The following ZBTB14 variants were observed in gnomAD, a reference collection of about 807,000 sequenced individuals.
The protein encoded by ZBTB14 is zinc finger and BTB domain-containing protein 14.
A neutral mutation model predicts 29.5 loss-of-function variants in ZBTB14; 8 were observed. The ratio of observed to expected loss-of-function variants is 0.27; its 90% confidence interval spans 0.16 to 0.49. The LOEUF is 0.49. Ranked by LOEUF, ZBTB14 falls within the 20% of genes least tolerant of loss-of-function variation. ZBTB14 has a pLI of 0.99. For synonymous variants in ZBTB14, 226 were observed against 207.2 expected (o/e 1.09, Z -0.78); for missense variants, 333 against 563.8 (o/e 0.59, Z 4.15).
At chr18:5,295,285 C>T (rs1324935456) in intron 1 of ZBTB14, among the ~76,000 whole-genome samples, 6 of 144,976 alleles carry the variant, frequency 4.1e-5, no homozygotes, top group Admixed American at 1.4e-4. Context: ...CCTCCCGCGG[C>T]CGGGGGCGGG....
Position 5,292,163 on chromosome 18 carries a change from G to A in ZBTB14, c.45C>T (p.Asp15=), listed in dbSNP as rs776138677. 20 of 1,583,998 alleles carry A rather than the reference G, an allele frequency of 1.3e-5. No homozygotes were observed. In the East Asian group the frequency reaches 1.6e-4, roughly 12 times the overall value. Residue 15 remains aspartate (D), a synonymous_variant, in exon 4 of 4, where the codon GAC becomes GAT. Transcript: ENST00000651870. The stretch of plus-strand genomic sequence containing the variant: ...TCAGAAACAGAGTTTTATGATCATC[G>A]TCATTATATTTAATGGTTTCAGACA... The part of the protein sequence containing the change: ...ISMSETIKYN[D]DDHKTLFLKT...
Position 5,291,704 on chromosome 18 carries a change from A to T in ZBTB14, c.504T>A (p.Asp168Glu), listed in dbSNP as rs770050145. The change falls in exon 4 of 4, where the codon GAT becomes GAA. Residue 168 changes from aspartate to glutamate, a missense_variant. Transcript: ENST00000651870. This position sits in a 1 kb window ranked among gnomAD's most constrained non-coding sequence, Gnocchi z 5.8. ...TGTCATCAGAAGGACTGTCATCCTG[A>T]TCCCCGATTTCCTCTACATCATCAT... ...TQDDDVEEIG[D>E]QDDSPSDDTV... 64 of 1,613,834 alleles carry T rather than the reference A, an allele frequency of 4.0e-5. No homozygotes were observed. The highest frequency in any genetic ancestry group is 4.9e-5 in the Non-Finnish European group (58 of 1,179,992).
At chr18:5,293,752 G>C (rs1278879067) in intron 2 of ZBTB14, 1 of 92,000 alleles carries the variant, frequency 1.1e-5, no homozygotes, top group Non-Finnish European at 2.1e-5. Context: ...ACCTATAGAA[G>C]TATATACCTT....
chr18:5,292,121 T>C lies in ZBTB14; in HGVS notation c.87A>G (p.Gln29=). 6.2e-7 allele frequency: 1 copy of C among 1,603,606 alleles called. No individual in the cohort carries two copies. Among genetic ancestry groups the C allele is most frequent in the Non-Finnish European group, 8.5e-7 (1 of 1,179,840 alleles). Reference sequence around the variant, plus strand: ...TATCACAAAATTCTCCTTCCAGGCGTTGTTCATTTAGTGTTTTCAGAAACA... The same window carrying C: ...TATCACAAAATTCTCCTTCCAGGCGCTGTTCATTTAGTGTTTTCAGAAACA... ...KTLFLKTLNE[Q]RLEGEFCDIA... The change falls in exon 4 of 4, where the codon CAA becomes CAG. Residue 29 remains glutamine, a synonymous_variant. Coordinates refer to ENST00000651870, the MANE Select transcript of ZBTB14 (RefSeq NM_001243702.2).
upstream of ZBTB14, chr18:5,295,846 G>A (rs2071949446): frequency 6.6e-6 from 1 of 152,054 alleles, no homozygotes; most frequent in Non-Finnish European, 1.5e-5. Context: ...CACTGCCGTG[G>A]GTTCCCCGCG....
upstream of ZBTB14, chr18:5,295,996 CCCT>C (rs1315519701): frequency 1.3e-5 from 2 of 151,720 alleles, no homozygotes; most frequent in Admixed American, 6.6e-5. Flanking sequence ...ATGGTAGCAG[CCCT>C]CCTCCTGCAC....
intron 1 of ZBTB14, among the ~76,000 whole-genome samples, chr18:5,295,038 G>C (rs1052705024): frequency 6.6e-6 from 1 of 151,990 alleles, no homozygotes; most frequent in Non-Finnish European, 1.5e-5. Context: ...CTGGGAGCCA[G>C]GTGGTGAAAG....
At chr18:5,296,392 G>A (rs952002417), upstream of ZBTB14, among the ~76,000 whole-genome samples, 19 of 150,044 alleles carry the variant, frequency 1.3e-4, no homozygotes, top group Admixed American at 3.3e-4. Flanking sequence ...GTGGGCTTCC[G>A]CCCGCGCCCG....
At chr18:5,293,211 T>G (rs2071858185) in intron 3 of ZBTB14, 33 bp downstream of exon 3, 7 of 1,610,476 alleles carry the variant, frequency 4.3e-6, no homozygotes, top group African/African-American at 4.0e-5. Context: ...CAAGTCATTT[T>G]CATCAAGATT....
chr18:5,291,800 G>C lies in ZBTB14; in HGVS notation c.408C>G (p.Asn136Lys). The change falls in exon 4 of 4, where the codon AAC (asparagine) becomes AAG (lysine). Residue 136 changes from asparagine to lysine, a missense_variant. Transcript: ENST00000651870. The surrounding 1 kb of genome is among the most constrained non-coding windows in gnomAD (Gnocchi z 5.8). Reference sequence around the variant, plus strand: ...AATACTTACTTTTGGACTGACCATTGTTTTCATCGGGACTGGACACATCAC... The same window carrying C: ...AATACTTACTTTTGGACTGACCATTCTTTTCATCGGGACTGGACACATCAC... ...QKRDVSSPDENNGQSKSKYCL... is the reference protein window; with the variant it reads ...QKRDVSSPDEKNGQSKSKYCL... 1 of 1,613,768 alleles carries C rather than the reference G, an allele frequency of 6.2e-7. No individual in the cohort carries two copies. Among genetic ancestry groups the C allele is most frequent in the South Asian group, 1.1e-5 (1 of 91,006 alleles).
chr18:5,289,597 T>C lies in ZBTB14; in HGVS notation c.*1261A>G, dbSNP rs2071766930. 1 of 152,254 alleles carries C rather than the reference T, an allele frequency of 6.6e-6. No homozygotes were observed. Among genetic ancestry groups the C allele is most frequent in the South Asian group, 2.1e-4 (1 of 4,830 alleles). 9.4% of individuals were successfully genotyped at this position (152,254 alleles called of 1,614,324 possible). A position where few individuals can be genotyped will look rare whatever the true frequency, so the allele number is the denominator to read the frequency against. Reference sequence around the variant, plus strand: ...ACTGGAATAGAGTTTATAATTCTCATTTACGGCTATGAAAAGGCAATCAAC... The same window carrying C: ...ACTGGAATAGAGTTTATAATTCTCACTTACGGCTATGAAAAGGCAATCAAC... On this transcript the variant is annotated 3_prime_UTR_variant, in exon 4 of 4. Transcript: ENST00000651870.
At chr18:5,296,545 C>T (rs2071972646), upstream of ZBTB14, among the ~76,000 whole-genome samples, 1 of 151,906 alleles carries the variant, frequency 6.6e-6, no homozygotes, top group South Asian at 2.1e-4. Flanking sequence ...GCCCCGGCCA[C>T]TTTCGCCCTC....
At chr18:5,293,776 T>C (rs548897553) in intron 2 of ZBTB14, 196 bp downstream of exon 2, 12 of 152,452 alleles carry the variant, frequency 7.9e-5, no homozygotes, top group African/African-American at 2.2e-4. Flanking sequence ...AATAAAGCTA[T>C]AGAAGTACAT....
At position 5,290,913 on chromosome 18, in the gene ZBTB14, G is replaced by A. The variant is rs765078948; in HGVS notation, c.1295C>T (p.Ala432Val). The change falls in exon 4 of 4, where the codon GCG (alanine) becomes GTG (valine). Residue 432 changes from alanine to valine, a missense_variant. By Grantham distance (64) the Ala-to-Val change is moderately conservative. This residue lies in a region of ZBTB14 where 140 missense variants were observed against 274.6 expected (regional missense o/e 0.51). Transcript: ENST00000651870. Reference sequence around the variant, plus strand: ...TTCTGCTTCCGCAGCCATCGCTGCCGCCTGCAACTGTTCTGTCTCGCTCTG... The same window carrying A: ...TTCTGCTTCCGCAGCCATCGCTGCCACCTGCAACTGTTCTGTCTCGCTCTG... ...AIQSETEQLQ[A>V]AAMAAEAEQQ... 58 of 1,614,250 alleles carry A rather than the reference G, an allele frequency of 3.6e-5. No homozygotes were observed. The highest frequency in any genetic ancestry group is 4.6e-5 in the Non-Finnish European group (54 of 1,180,046).
intron 2 of ZBTB14, 21 bp from the exon 3 acceptor site, chr18:5,293,348 A>C (rs1477206341): frequency 8.1e-7 from 1 of 1,229,470 alleles, no homozygotes; most frequent in East Asian, 2.4e-5. Context: ...AAGGATAAAC[A>C]AGAATGAGGT....
In ZBTB14 at chr18:5,289,499, A is replaced by G. The variant is rs577125439; in HGVS notation, c.*1359T>C. Reference sequence around the variant, plus strand: ...ATAATTGACTAATACTTTTTTACAGAACACAATTCAAACTATTGTTGGCAT... The same window carrying G: ...ATAATTGACTAATACTTTTTTACAGGACACAATTCAAACTATTGTTGGCAT... On this transcript the variant is annotated 3_prime_UTR_variant, in exon 4 of 4. Coordinates refer to ENST00000651870, the MANE Select transcript of ZBTB14 (RefSeq NM_001243702.2). 7.6e-4 allele frequency: 116 copies of G among 152,356 alleles called. No homozygotes were observed. Among genetic ancestry groups the G allele is most frequent in the African/African-American group, 2.6e-3 (109 of 41,586 alleles). 9.4% of individuals were successfully genotyped at this position (152,356 alleles called of 1,614,324 possible). A position where few individuals can be genotyped will look rare whatever the true frequency, so the allele number is the denominator to read the frequency against.
At chr18:5,295,394 G>A (rs2071930540) in intron 1 of ZBTB14, among the ~76,000 whole-genome samples, 1 of 144,892 alleles carries the variant, frequency 6.9e-6, no homozygotes, top group Non-Finnish European at 1.5e-5. Context: ...TAGGCGGCGC[G>A]GCGGGGCCCG....
At chr18:5,295,518 G>C (rs1337614243) in intron 1 of ZBTB14, 134 bp downstream of exon 1, 1 of 144,086 alleles carries the variant, frequency 6.9e-6, no homozygotes, top group Non-Finnish European at 1.5e-5. Flanking sequence ...GAACTCGGCC[G>C]CCGAGGCTCT....
At chr18:5,293,460 G>A (rs910819953) in intron 2 of ZBTB14, 133 bp from the exon 3 acceptor site, 4 of 567,296 alleles carry the variant, frequency 7.1e-6, no homozygotes, top group East Asian at 5.8e-5. Flanking sequence ...GAGAGTGGCA[G>A]GTAGGTAGCT....
Sources: gnomAD v4.1 joint callset for allele counts (sites outside exome capture counted in the v4.1 genomes callset) on GRCh38, gnomAD v4.1.1 for gene constraint, gnomAD v4.1.1 regional missense constraint, Gnocchi (gnomAD v3.1) non-coding constraint, MANE v1.5 for transcripts, NCBI Gene and HGNC (gene_info 2026-07-23, HGNC 2026-07-21) for gene names.